The following GNL3L variants were observed in gnomAD, a reference collection of about 807,000 sequenced individuals.
GNL3L encodes the protein guanine nucleotide-binding protein-like 3-like protein.
GNL3L carries 4 observed loss-of-function variants against 42.9 expected under a neutral mutation model. The ratio of observed to expected loss-of-function variants is 0.09; its 90% CI spans 0.05 to 0.21. GNL3L has a LOEUF of 0.21. Among genes scored for constraint, GNL3L ranks in the 10% least tolerant of loss-of-function variants. The pLI is 1.00. For synonymous variants in GNL3L, 159 were observed against 176.3 expected, an observed-to-expected ratio of 0.90 and a Z score of 0.78; for missense variants, 412 against 481.7, an observed-to-expected ratio of 0.86 and a Z score of 1.36.
chrX:54,606,480 C>T (rs1187522562), intron 16 of GNL3L, among the ~76,000 whole-genome samples: 2 of 110,292 alleles, frequency 1.8e-5, no homozygotes, highest in Non-Finnish European at 3.8e-5. Context: ...GAGAAATGTT[C>T]TCTCTCTCTT....
intron 16 of GNL3L, among the ~76,000 whole-genome samples, chrX:54,574,425 G>T (rs1015094148): frequency 8.9e-6 from 1 of 111,949 alleles, no homozygotes; most frequent in Non-Finnish European, 1.9e-5. Flanking sequence ...CCAATATAGC[G>T]TATTGCATTA....
intron 16 of GNL3L, among the ~76,000 whole-genome samples, chrX:54,607,006 T>TTCTCTC (rs572008498): frequency 1.4e-4 from 5 of 36,689 alleles, no homozygotes; most frequent in African/African-American, 5.3e-4. Flanking sequence ...CTTTCTTTCT[T>TTCTCTC]TCTTTCTTTC....
Position 54,553,548 on chromosome X carries a change from G to GT in GNL3L, c.1319-1008dup, listed in dbSNP as rs1289549198. On this transcript the variant is annotated intron_variant, in intron 13 of 15. Coordinates refer to ENST00000360845, the MANE Select transcript of GNL3L (RefSeq NM_001184819.2). ...CTTTCTGAATTTGTTTCCTCTTTTT[G>GT]TTTTTTTTTGAGGCAGAATCTTGCT... Among the ~76,000 whole-genome samples the GT allele has an allele frequency of 1.1e-3, 115 of 109,443 alleles. 1 individual carries two copies. The highest frequency in any genetic ancestry group is 1.7e-3 in the Non-Finnish European group (87 of 52,272).
At chrX:54,551,467 C>T (rs1924935596) in intron 10 of GNL3L, 101 bp from the exon 11 acceptor site, 19 of 665,842 alleles carry the variant, frequency 2.9e-5, no homozygotes, top group Non-Finnish European at 4.5e-5. Flanking sequence ...TCTAATGCAC[C>T]CTCCCCTCAC....
At chrX:54,559,420 C>G (rs1479154672) in intron 15 of GNL3L, among the ~76,000 whole-genome samples, 1 of 111,876 alleles carries the variant, frequency 8.9e-6, no homozygotes, top group Admixed American at 9.5e-5. Flanking sequence ...CCCTCGTCAG[C>G]CAGTTAGTTT....
intron 8 of GNL3L, among the ~76,000 whole-genome samples, chrX:54,544,723 C>T (rs766960764): frequency 1.8e-5 from 2 of 110,555 alleles, no homozygotes; most frequent in Middle Eastern, 4.6e-3. Context: ...GGTGATCCAC[C>T]CACCTCGGCC....
intron 16 of GNL3L, among the ~76,000 whole-genome samples, chrX:54,588,979 A>T (rs1306855206): frequency 9.1e-6 from 1 of 109,761 alleles, no homozygotes; most frequent in East Asian, 2.8e-4. Flanking sequence ...CAAGTGTTTG[A>T]AGATATTCTT....
chrX:54,567,382 C>T (rs908314374), downstream of GNL3L, among the ~76,000 whole-genome samples: 3 of 109,984 alleles, frequency 2.7e-5, no homozygotes, highest in Non-Finnish European at 5.7e-5. Context: ...TGCGGTGGCT[C>T]ACGCCTGTAA....
intron 9 of GNL3L, among the ~76,000 whole-genome samples, chrX:54,549,744 A>G (rs1368015734): frequency 8.9e-6 from 1 of 112,516 alleles, no homozygotes; most frequent in Non-Finnish European, 1.9e-5. Context: ...GCATGTGCCC[A>G]CATACACTTT....
chrX:54,639,720 A>G, the GNL3L span, among the ~76,000 whole-genome samples: 1 of 111,898 alleles, frequency 8.9e-6, no homozygotes, highest in Admixed American at 9.4e-5. Context: ...GCCCGAAGCT[A>G]CGCCCGCCTG....
rs1399452883 is a variant in GNL3L, at chrX:54,564,579, T to G, written c.*3977T>G. ...CCCGCCACCACGCCCAGCTAATTTTTGTATTTTTAGTAGAGATGGGGTTTC... is the reference window on the plus strand; with the variant it reads ...CCCGCCACCACGCCCAGCTAATTTTGGTATTTTTAGTAGAGATGGGGTTTC... On this transcript the variant is annotated 3_prime_UTR_variant, in exon 16 of 16. Transcript: ENST00000360845. 1.9e-5 allele frequency among the ~76,000 whole-genome samples: 2 copies of G among 105,822 alleles called. No individual in the cohort carries two copies. The highest frequency in any genetic ancestry group is 3.9e-5 in the Non-Finnish European group (2 of 51,689). The allele number at this position is 105,822 out of a possible 115,157, so 91.9% of individuals were successfully genotyped here.
Position 54,605,216 on chromosome X carries a change from A to G in GNL3L, c.*46-15629A>G, listed in dbSNP as rs141810237. Among the ~76,000 whole-genome samples, 269 of 112,041 alleles carry G rather than the reference A, an allele frequency of 2.4e-3. 2 individuals are homozygous for G. The highest frequency in any genetic ancestry group is 8.1e-3 in the African/African-American group (251 of 30,866). On this transcript the variant is annotated intron_variant, in intron 16 of 16. Coordinates refer to the GNL3L transcript ENST00000674498. ...TTTCCATTTGCATACATAAATAAAG[A>G]CACAGTCAAAATCCCTTATTGAAGC... is the stretch of plus-strand genomic sequence containing the variant.
rs185949137 is a variant in GNL3L, at chrX:54,615,137, T to A, written c.*46-5708T>A. 3.9e-3 allele frequency among the ~76,000 whole-genome samples: 440 copies of A among 112,419 alleles called. 2 individuals carry two copies. The highest frequency in any genetic ancestry group is 0.013 in the African/African-American group (402 of 31,011). On this transcript the variant is annotated intron_variant, in intron 16 of 16. Coordinates refer to the GNL3L transcript ENST00000674498. ...ATTCTTTTTCTATGCATTTATCTGT[T>A]CTGAATACCTCATATTAAATAGAAT...
chrX:54,567,969 T>TG (rs1925483061), downstream of GNL3L, among the ~76,000 whole-genome samples: 1 of 78,765 alleles, frequency 1.3e-5, no homozygotes, highest in South Asian at 5.4e-4. Context: ...TGTATTATTC[T>TG]TTTTTTTTTT....
the GNL3L span, among the ~76,000 whole-genome samples, chrX:54,638,806 T>C: frequency 8.9e-6 from 1 of 112,189 alleles, no homozygotes; most frequent in African/African-American, 3.2e-5. Flanking sequence ...CCCCCACTGA[T>C]ACTTTCAATT....
At chrX:54,551,125 C>T (rs761909094) in intron 10 of GNL3L, 75 bp downstream of exon 10, 4 of 599,037 alleles carry the variant, frequency 6.7e-6, no homozygotes, top group Non-Finnish European at 1.1e-5. Context: ...TGCCTTCAGC[C>T]CCTGTCCCTT....
chrX:54,612,724 A>T (rs1400242701), intron 16 of GNL3L, among the ~76,000 whole-genome samples: 3 of 111,199 alleles, frequency 2.7e-5, no homozygotes, highest in African/African-American at 9.8e-5. Flanking sequence ...TTGGCTGATA[A>T]TTGTTTTGTT....
intron 16 of GNL3L, among the ~76,000 whole-genome samples, chrX:54,613,239 G>A (rs1926183042): frequency 9.0e-6 from 1 of 111,358 alleles, no homozygotes; most frequent in Non-Finnish European, 1.9e-5. Flanking sequence ...CTTTCGCAGA[G>A]CATTTTGCAT....
intron 16 of GNL3L, among the ~76,000 whole-genome samples, chrX:54,576,133 C>A (rs1203941291): frequency 9.0e-6 from 1 of 111,577 alleles, no homozygotes; most frequent in Non-Finnish European, 1.9e-5. Flanking sequence ...TTGAAGCTTC[C>A]ATATTATTAT....
Sources: allele counts gnomAD v4.1 joint callset (sites outside exome capture counted in the v4.1 genomes callset), GRCh38; gene constraint gnomAD v4.1.1; transcripts MANE v1.5; gene names NCBI Gene and HGNC (gene_info 2026-07-23, HGNC 2026-07-21).